Variants in C4orf33 observed in about 807,000 individuals in gnomAD.
C4orf33 encodes the protein UPF0462 protein C4orf33.
C4orf33 carries 20 observed loss-of-function variants against 24.3 expected under a neutral mutation model. The ratio of observed to expected loss-of-function variants is 0.82; its 90% CI spans 0.58 to 1.19. The LOEUF (loss-of-function observed/expected upper bound fraction) is 1.19, where lower values mean the gene tolerates loss of function less well. Ranked by LOEUF, C4orf33 falls within the 50% of genes most tolerant of loss-of-function variation. C4orf33 has a pLI of 0.00. For missense variants in C4orf33, 207 were observed against 225.9 expected (o/e 0.92, Z 0.54); for synonymous variants, 67 against 76.4 (o/e 0.88, Z 0.64).
chr4:129,101,994 T>G (rs1318130376), intron 1 of C4orf33: 5 of 152,104 alleles, frequency 3.3e-5, no homozygotes, highest in African/African-American at 1.2e-4. Flanking sequence ...CCAACCCCCA[T>G]GAAGAAAAGG....
At position 129,106,262 on chromosome 4, in the gene C4orf33, A is replaced by G. The variant is rs533019452; in HGVS notation, c.182-325A>G. On this transcript the variant is annotated intron_variant, in intron 2 of 5. Coordinates refer to ENST00000425929, the MANE Select transcript of C4orf33 (RefSeq NM_001099783.2). ...ACTTAATTCTTTTCCCAGTTGTCAG[A>G]TTATTTTCTTAAGATAAATTCCTAG... is the stretch of plus-strand genomic sequence containing the variant. 1.1e-3 allele frequency among the ~76,000 whole-genome samples: 167 copies of G among 152,170 alleles called. 1 individual carries two copies. The highest frequency in any genetic ancestry group is 2.1e-3 in the Non-Finnish European group (143 of 67,908).
Sources: allele counts gnomAD v4.1 joint callset (sites outside exome capture counted in the v4.1 genomes callset), GRCh38; gene constraint gnomAD v4.1.1; transcripts MANE v1.5; gene names NCBI Gene and HGNC (gene_info 2026-07-23, HGNC 2026-07-21).